The following PTPRD variants were observed in gnomAD, a reference collection of about 807,000 sequenced individuals.
PTPRD encodes receptor-type tyrosine-protein phosphatase delta.
A neutral mutation model predicts 214.5 loss-of-function variants in PTPRD; 34 were observed. That is an observed-to-expected ratio of 0.16 (90% CI 0.12 to 0.21). The LOEUF (loss-of-function observed/expected upper bound fraction) is 0.21, where lower values mean the gene tolerates loss of function less well. PTPRD is among the 10% of genes least tolerant of loss of function. The pLI, the probability that PTPRD is intolerant of heterozygous loss-of-function variation, is 1.00. For synonymous variants in PTPRD, 1,128 were observed against 845.7 expected (o/e 1.33, Z -5.79); for missense variants, 2,545 against 2,398.7 (o/e 1.06, Z -1.27).
At chr9:8,872,219 G>C (rs2098313260) in intron 11 of PTPRD, among the ~76,000 whole-genome samples, 1 of 152,174 alleles carries the variant, frequency 6.6e-6, no homozygotes, top group Admixed American at 6.6e-5. Flanking sequence ...AGAATGCAAA[G>C]AGGAAGAGGT....
At chr9:8,819,767 T>C (rs750290120) in intron 11 of PTPRD, among the ~76,000 whole-genome samples, 4 of 152,348 alleles carry the variant, frequency 2.6e-5, no homozygotes, top group Admixed American at 6.5e-5. Context: ...TCAGATTCCT[T>C]TGTGACACAG....
chr9:9,037,815 G>A (rs1343698586), intron 10 of PTPRD, among the ~76,000 whole-genome samples: 1 of 152,118 alleles, frequency 6.6e-6, no homozygotes, highest in African/African-American at 2.4e-5. Flanking sequence ...TTGTTGGAGG[G>A]TCTTATTTCA....
intron 3 of PTPRD, among the ~76,000 whole-genome samples, chr9:10,060,140 G>GA (rs2097731579): frequency 6.6e-6 from 1 of 151,996 alleles, no homozygotes; most frequent in East Asian, 1.9e-4. Context: ...GTCTACCAAA[G>GA]CAAAACCTCC....
At chr9:9,908,454 C>G (rs546680757) in intron 5 of PTPRD, among the ~76,000 whole-genome samples, 32 of 152,108 alleles carry the variant, frequency 2.1e-4, no homozygotes, top group Admixed American at 7.9e-4. Context: ...GACATTTTCA[C>G]TGTAGGACTC....
chr9:9,827,746 G>T (rs1314141877), intron 5 of PTPRD, among the ~76,000 whole-genome samples: 1 of 152,052 alleles, frequency 6.6e-6, no homozygotes, highest in South Asian at 2.1e-4. Flanking sequence ...GAAAATGTTT[G>T]CAATCTACTC....
intron 9 of PTPRD, among the ~76,000 whole-genome samples, chr9:9,384,761 T>C (rs1359808972): frequency 3.3e-5 from 5 of 152,056 alleles, no homozygotes; most frequent in Non-Finnish European, 5.9e-5. Flanking sequence ...AATTTTCTCA[T>C]TGCTGCTTTT....
intron 26 of PTPRD, 97 bp from the exon 27 acceptor site, chr9:8,493,076 A>G (rs2097183647): frequency 1.0e-6 from 1 of 981,008 alleles, no homozygotes; most frequent in African/African-American, 1.6e-5. Context: ...AAATGCTCGC[A>G]CATCCCTTGC....
intron 32 of PTPRD, among the ~76,000 whole-genome samples, chr9:8,461,220 A>G (rs1435232285): frequency 6.6e-6 from 1 of 152,130 alleles, no homozygotes; most frequent in East Asian, 1.9e-4. Flanking sequence ...CGAGATGTAC[A>G]GAATTGATGA....
chr9:10,094,525 T>TC (rs945834476), intron 3 of PTPRD, among the ~76,000 whole-genome samples: 1 of 138,322 alleles, frequency 7.2e-6, no homozygotes, highest in African/African-American at 2.7e-5. Context: ...GTATGGTTTT[T>TC]TTTTTCTTTC....
At chr9:8,771,827 A>C (rs945688821) in intron 11 of PTPRD, among the ~76,000 whole-genome samples, 1 of 152,142 alleles carries the variant, frequency 6.6e-6, no homozygotes, top group African/African-American at 2.4e-5. Context: ...TTTAAAAAAA[A>C]AAAAAAAATT....
At chr9:9,126,797 C>A (rs1037023439) in intron 10 of PTPRD, among the ~76,000 whole-genome samples, 1 of 152,128 alleles carries the variant, frequency 6.6e-6, no homozygotes, top group Non-Finnish European at 1.5e-5. Flanking sequence ...TGTTGTTGTG[C>A]ATTTGTAAGA....
rs2099063201 is a variant in PTPRD, at chr9:9,804,881, G to T, written c.-367-38030C>A. Reference sequence around the variant, plus strand: ...CAATTGAAATATTTACTTGATAGAAGAAATTCCTTGTTAAGTATTATAATT... The same window carrying T: ...CAATTGAAATATTTACTTGATAGAATAAATTCCTTGTTAAGTATTATAATT... On this transcript the variant is annotated intron_variant, in intron 5 of 45. Coordinates refer to ENST00000381196, the MANE Select transcript of PTPRD (RefSeq NM_002839.4). Among the ~76,000 whole-genome samples, 3 of 151,462 alleles carry T rather than the reference G, an allele frequency of 2.0e-5. No individual in the cohort carries two copies. In the South Asian group the frequency reaches 6.3e-4, roughly 32 times the overall value.
chr9:9,214,066 C>T (rs1308570231), intron 9 of PTPRD, among the ~76,000 whole-genome samples: 2 of 152,112 alleles, frequency 1.3e-5, no homozygotes, highest in African/African-American at 2.4e-5. Flanking sequence ...CCTCCAACAC[C>T]CAAACAAGAT....
intron 7 of PTPRD, among the ~76,000 whole-genome samples, chr9:9,576,818 G>A (rs1430807014): frequency 6.6e-6 from 1 of 152,082 alleles, no homozygotes; most frequent in Non-Finnish European, 1.5e-5. Flanking sequence ...ATTTTAGCAC[G>A]ATCAGATGCT....
At chr9:9,467,588 CAAAAA>C (rs1176159031) in intron 8 of PTPRD, among the ~76,000 whole-genome samples, 10 of 55,954 alleles carry the variant, frequency 1.8e-4, no homozygotes, top group Admixed American at 3.2e-4. Flanking sequence ...CTCCATCTCC[CAAAAA>C]AAAAAAAAAA....
chr9:10,341,588 A>T (rs1702765862), intron 2 of PTPRD, among the ~76,000 whole-genome samples: 3 of 151,962 alleles, frequency 2.0e-5, no homozygotes, highest in Non-Finnish European at 2.9e-5. Flanking sequence ...AGTATTGTAG[A>T]ATGGTCAGTA....
At chr9:9,609,114 G>A (rs143131292) in intron 7 of PTPRD, among the ~76,000 whole-genome samples, 2 of 152,098 alleles carry the variant, frequency 1.3e-5, no homozygotes, top group South Asian at 4.1e-4. Flanking sequence ...CTTACAATTT[G>A]TGCACATATA....
chr9:8,662,030 C>A (rs1367667827), intron 12 of PTPRD, among the ~76,000 whole-genome samples: 2 of 152,140 alleles, frequency 1.3e-5, no homozygotes, highest in Non-Finnish European at 2.9e-5. Context: ...GATCTTCTAC[C>A]CTCAGCCTCC....
At chr9:9,475,115 T>C (rs560089795) in intron 8 of PTPRD, among the ~76,000 whole-genome samples, 2 of 152,306 alleles carry the variant, frequency 1.3e-5, no homozygotes, top group South Asian at 4.1e-4. Flanking sequence ...AGTCAGGCAA[T>C]GGTTCTCTTA....
Sources: gnomAD v4.1 joint callset for allele counts (sites outside exome capture counted in the v4.1 genomes callset) on GRCh38, gnomAD v4.1.1 for gene constraint, MANE v1.5 for transcripts, NCBI Gene and HGNC (gene_info 2026-07-23, HGNC 2026-07-21) for gene names.